EIF2D: variants seen among roughly 807,000 people sequenced by gnomAD.
EIF2D encodes hepatocellular carcinoma-associated antigen 56.
EIF2D carries 56 observed loss-of-function variants against 77.4 expected under a neutral mutation model. The ratio of observed to expected loss-of-function variants is 0.72; its 90% confidence interval spans 0.58 to 0.90. The LOEUF (loss-of-function observed/expected upper bound fraction) is 0.90. Ranked by LOEUF, EIF2D falls within the 40% of genes least tolerant of loss-of-function variation. EIF2D has a pLI of 0.00. For synonymous variants in EIF2D, 230 were observed against 271.0 expected, an observed-to-expected ratio of 0.85 and a Z score of 1.49; for missense variants, 574 against 706.5, an observed-to-expected ratio of 0.81 and a Z score of 2.13.
intron 4 of EIF2D, among the ~76,000 whole-genome samples, chr1:206,607,200 T>TA (rs1417653251): frequency 6.6e-6 from 1 of 151,488 alleles, no homozygotes; most frequent in African/African-American, 2.4e-5. Flanking sequence ...CGCATAAAAA[T>TA]AAAAAAGAAA....
chr1:206,606,066 C>CA (rs1670189665), intron 4 of EIF2D, among the ~76,000 whole-genome samples: 1 of 152,156 alleles, frequency 6.6e-6, no homozygotes, highest in Admixed American at 6.5e-5. Context: ...TCCAGGATAT[C>CA]AAAAACAACC....
At chr1:206,577,280 A>T (rs1319953135) in intron 4 of EIF2D, among the ~76,000 whole-genome samples, 1 of 152,178 alleles carries the variant, frequency 6.6e-6, no homozygotes, top group East Asian at 1.9e-4. Context: ...AAAGGAATTA[A>T]CAAACTCTAT....
At chr1:206,593,506 A>AGTGTGTGTGTGTGT (rs1286437460) in intron 14 of EIF2D, 113 bp downstream of exon 14, 86 of 442,540 alleles carry the variant, frequency 1.9e-4, no homozygotes, top group Non-Finnish European at 2.5e-4. Flanking sequence ...AGAGAGAGAG[A>AGTGTGTGTGTGTGT]GAGTGTGTGT....
rs782352838 is a variant in EIF2D at position 206,593,652 on chromosome 1, T to G, written c.1651A>C (p.Asn551His). Residue 551 changes from asparagine (N) to histidine (H), a missense_variant, in exon 14 of 15, where the codon AAC becomes CAC. Transcript: ENST00000271764. ...KDSLQVQIQG[N>H]QVHHLGWLLL... ...AGCCAGCCGAGGTGGTGGACCTGGT[T>G]TCCCTGGATCTGCACCTGAAGGCTG... 1 of 1,611,036 alleles carries G rather than the reference T, an allele frequency of 6.2e-7. No individual in the cohort carries two copies. The highest frequency in any genetic ancestry group is 2.2e-5 in the East Asian group (1 of 44,788).
At position 206,595,711 on chromosome 1, in the gene EIF2D, A is replaced by C; in HGVS notation, c.1509+7T>G. On this transcript the variant is annotated splice_region_variant and intron_variant, in intron 13 of 14. Transcript: ENST00000271764. Reference sequence around the variant, plus strand: ...TATCCTTGAACATTGTGTCTTTCTAAAATTACCTTTTTATTAGACGCTCTT... The same window carrying C: ...TATCCTTGAACATTGTGTCTTTCTACAATTACCTTTTTATTAGACGCTCTT... 8.1e-6 allele frequency: 13 copies of C among 1,612,952 alleles called. No homozygotes were observed. The highest frequency in any genetic ancestry group is 1.1e-5 in the Non-Finnish European group (13 of 1,179,120).
Position 206,603,119 on chromosome 1 carries a change from G to A in EIF2D, c.616C>T (p.Gln206Ter), listed in dbSNP as rs1273236123. 6.2e-7 allele frequency: 1 copy of A among 1,614,034 alleles called. No individual in the cohort carries two copies. The highest frequency in any genetic ancestry group is 8.5e-7 in the Non-Finnish European group (1 of 1,180,036). Residue 206 changes from glutamine to a stop codon, truncating the protein, a stop_gained, in exon 6 of 15, where the codon CAG becomes TAG. Transcript: ENST00000271764. LOFTEE classifies it high-confidence loss of function. ...ADLSEEKGSVQMDSTLQGDMR... is the reference protein window; with the variant it reads ...ADLSEEKGSV ...TCTCCCTGCAGGGTGGAGTCCATCT[G>A]GACAGACCCCTTCTCTTCACTGAGA...
intron 2 of EIF2D, chr1:206,581,271 C>G (rs1668863009): frequency 6.6e-6 from 1 of 152,454 alleles, no homozygotes. Flanking sequence ...ACAGCGGGAG[C>G]AGACAGGCCA....
intron 5 of EIF2D, chr1:206,603,520 C>A: frequency 4.0e-6 from 1 of 249,662 alleles, no homozygotes; most frequent in Admixed American, 4.9e-5. Flanking sequence ...AGATAAACTC[C>A]CAAAAATGTT....
chr1:206,592,517 ATGCAAGGAGAATCTGGAGAAC>A lies in EIF2D; in HGVS notation c.1685-693_1685-673del, dbSNP rs1669389465. On this transcript the variant is annotated intron_variant, in intron 14 of 14. Coordinates refer to ENST00000271764, the MANE Select transcript of EIF2D (RefSeq NM_006893.3). This position sits in a 1 kb window ranked among gnomAD's most constrained non-coding sequence, Gnocchi z 4.7. ...CAGGCGGAAGCACATGTGGGTGAAC[ATGCAAGGAGAATCTGGAGAAC>A]TGCAAGGAGACCAGGACAGCTGGTG... 6.6e-6 allele frequency among the ~76,000 whole-genome samples: 1 copy of A among 152,206 alleles called. No homozygotes were observed. Among genetic ancestry groups the A allele is most frequent in the Admixed American group, 6.5e-5 (1 of 15,280 alleles).
chr1:206,573,239 C>T (rs1668513959), intron 4 of EIF2D, among the ~76,000 whole-genome samples: 1 of 151,862 alleles, frequency 6.6e-6, no homozygotes, highest in African/African-American at 2.4e-5. Flanking sequence ...GGTGGGCGGA[C>T]TGCTTGATTT....
chr1:206,600,453 G>A, intron 7 of EIF2D, 145 bp from the exon 8 acceptor site: 1 of 688,676 alleles, frequency 1.5e-6, no homozygotes, highest in Non-Finnish European at 2.5e-6. Flanking sequence ...GCCCAGGGAT[G>A]ACAGCAGAGA....
Position 206,605,388 on chromosome 1 carries a change from C to T in EIF2D, c.530+12G>A, listed in dbSNP as rs1553412439. The T allele has an allele frequency of 1.3e-5, 21 of 1,609,984 alleles. No homozygotes were observed. Among genetic ancestry groups the T allele is most frequent in the Non-Finnish European group, 1.8e-5 (21 of 1,176,642 alleles). On this transcript the variant is annotated intron_variant, in intron 5 of 14. Coordinates refer to ENST00000271764, the MANE Select transcript of EIF2D (RefSeq NM_006893.3). ...CCGGTTCTCTGTAAAACAGAAGAAACTCTGTACCCACCACAAGTGGTCCTG... is the reference window on the plus strand; with the variant it reads ...CCGGTTCTCTGTAAAACAGAAGAAATTCTGTACCCACCACAAGTGGTCCTG...
chr1:206,611,109 G>C, intron 2 of EIF2D, 75 bp downstream of exon 2: 1 of 1,393,774 alleles, frequency 7.2e-7, no homozygotes, highest in East Asian at 2.4e-5. Context: ...GGGAGACAAT[G>C]GAAGAAACAG....
chr1:206,600,034 G>A (rs1341121491), intron 8 of EIF2D, among the ~76,000 whole-genome samples, 198 bp from the exon 9 acceptor site: 7 of 152,282 alleles, frequency 4.6e-5, no homozygotes, highest in East Asian at 3.9e-4. Context: ...CAGTGAGGCC[G>A]TTCAGAACTC....
chr1:206,608,960 G>A (rs1174202225), intron 3 of EIF2D, among the ~76,000 whole-genome samples: 14 of 152,042 alleles, frequency 9.2e-5, no homozygotes, highest in Admixed American at 9.2e-4. Flanking sequence ...GCTGAGGCAG[G>A]AGAATCACTT....
chr1:206,609,979 G>GTTA (rs1553413557), intron 2 of EIF2D, among the ~76,000 whole-genome samples: 1 of 152,046 alleles, frequency 6.6e-6, no homozygotes, highest in African/African-American at 2.4e-5. Flanking sequence ...AGGATGAAAA[G>GTTA]CCCCAAGTTA....
intron 4 of EIF2D, among the ~76,000 whole-genome samples, chr1:206,576,970 A>G (rs149460071): frequency 0.016 from 1,730 of 111,294 alleles, 39 homozygotes; most frequent in African/African-American, 0.056. Flanking sequence ...TGCCCAGCTA[A>G]TTTTTGTATT....
chr1:206,608,377 T>C, intron 3 of EIF2D, 51 bp from the exon 4 acceptor site: 1 of 1,443,122 alleles, frequency 6.9e-7, no homozygotes, highest in Admixed American at 1.9e-5. Flanking sequence ...CATCTCACTC[T>C]GCGTTTTACT....
In EIF2D at chr1:206,605,433, A is replaced by G; in HGVS notation, c.497T>C (p.Phe166Ser). 1 of 1,614,094 alleles carries G rather than the reference A, an allele frequency of 6.2e-7. No homozygotes were observed. The highest frequency in any genetic ancestry group is 8.5e-7 in the Non-Finnish European group (1 of 1,180,012). ...GTCCTGGTAAGTGTGGAGCACAGAG[A>G]AGCCCCTTCCCTTCAGGCCTGACGT... is the stretch of plus-strand genomic sequence containing the variant. ...MLTSGLKGRG[F>S]SVLHTYQDHL... Residue 166 changes from phenylalanine (F) to serine (S), a missense_variant, in exon 5 of 15, where the codon TTC (phenylalanine) becomes TCC (serine). Coordinates refer to ENST00000271764, the MANE Select transcript of EIF2D (RefSeq NM_006893.3).
Sources: allele counts gnomAD v4.1 joint callset (sites outside exome capture counted in the v4.1 genomes callset), GRCh38; gene constraint gnomAD v4.1.1; non-coding constraint Gnocchi (gnomAD v3.1); transcripts MANE v1.5; gene names NCBI Gene and HGNC (gene_info 2026-07-23, HGNC 2026-07-21).